Variants in PHTF2 observed in about 807,000 individuals in gnomAD.
PHTF2 encodes protein PHTF2.
In PHTF2, 60 loss-of-function variants were observed where a neutral mutation model predicts 101.2. The observed-to-expected ratio is 0.59, with a 90% CI of 0.48 to 0.73. PHTF2 has a LOEUF of 0.73. PHTF2 is among the 30% of genes least tolerant of loss of function. PHTF2 has a pLI of 0.00. For missense variants in PHTF2, 747 were observed against 908.7 expected (o/e 0.82, Z 2.29); for synonymous variants, 311 against 307.3 (o/e 1.01, Z -0.13).
intron 11 of PHTF2, among the ~76,000 whole-genome samples, chr7:77,925,797 C>T (rs1803940347): frequency 6.6e-6 from 1 of 152,054 alleles, no homozygotes; most frequent in Non-Finnish European, 1.5e-5. Flanking sequence ...GGTGCTCATG[C>T]TTGTAATCGC....
chr7:77,901,730 T>TA, intron 6 of PHTF2, 32 bp from the exon 6 acceptor site: 1 of 1,283,072 alleles, frequency 7.8e-7, no homozygotes, highest in Non-Finnish European at 1.0e-6. Flanking sequence ...AATATATAAA[T>TA]ATACTCTGTT....
At chr7:77,861,451 A>G (rs150146040) in intron 3 of PHTF2, among the ~76,000 whole-genome samples, 392 of 151,558 alleles carry the variant, frequency 2.6e-3, no homozygotes, top group African/African-American at 9.1e-3. Flanking sequence ...TTTACTTTTG[A>G]CTCTTTCCTT....
At chr7:77,957,381 G>A (rs1242665259) in exon 20 of PHTF2, 1 of 152,108 alleles carries the variant, frequency 6.6e-6, no homozygotes, top group Admixed American at 6.5e-5. Flanking sequence ...GAACATGAAA[G>A]AATAATACAC....
At chr7:77,843,705 TA>T (rs1796060585) in intron 2 of PHTF2, among the ~76,000 whole-genome samples, 1 of 152,238 alleles carries the variant, frequency 6.6e-6, no homozygotes, top group Non-Finnish European at 1.5e-5. Context: ...CTACATTGAC[TA>T]GCTAATGGTT....
chr7:77,956,434 TTTTC>T (rs1157182778), exon 20 of PHTF2: 2 of 152,582 alleles, frequency 1.3e-5, no homozygotes, highest in South Asian at 2.1e-4. Flanking sequence ...GTAGTATGTT[TTTTC>T]TTTCTATGAA....
intron 3 of PHTF2, among the ~76,000 whole-genome samples, chr7:77,867,638 C>T (rs532869473): frequency 6.6e-6 from 1 of 152,284 alleles, no homozygotes; most frequent in South Asian, 2.1e-4. Flanking sequence ...ACTTCAGTAA[C>T]TGTGGTTGGA....
chr7:77,934,052 C>T (rs966174234), intron 12 of PHTF2, among the ~76,000 whole-genome samples: 1 of 152,128 alleles, frequency 6.6e-6, no homozygotes, highest in Non-Finnish European at 1.5e-5. Context: ...AAAATAAGCT[C>T]ATGCTTTTAG....
At chr7:77,854,521 G>A (rs571253249) in intron 2 of PHTF2, among the ~76,000 whole-genome samples, 28 of 152,146 alleles carry the variant, frequency 1.8e-4, no homozygotes, top group African/African-American at 5.8e-4. Flanking sequence ...CTAGGCTTGC[G>A]TCCTTCCCTC....
chr7:77,876,734 T>A (rs962275847), intron 3 of PHTF2, among the ~76,000 whole-genome samples: 2 of 151,852 alleles, frequency 1.3e-5, no homozygotes, highest in Admixed American at 6.6e-5. Context: ...CTCTACAAAA[T>A]AAATAAAATA....
intron 13 of PHTF2, among the ~76,000 whole-genome samples, chr7:77,938,641 G>T (rs952970011): frequency 3.3e-5 from 5 of 152,268 alleles, no homozygotes; most frequent in East Asian, 1.9e-4. Flanking sequence ...GCCGGGCGTG[G>T]TGGCGGGCGC....
chr7:77,825,080 G>A (rs1210706852), intron 1 of PHTF2, among the ~76,000 whole-genome samples: 1 of 151,554 alleles, frequency 6.6e-6, no homozygotes, highest in African/African-American at 2.4e-5. Flanking sequence ...AGATTTCTGA[G>A]TAAAAATGAA....
At chr7:77,920,035 T>A (rs577704864) in intron 9 of PHTF2, among the ~76,000 whole-genome samples, 1 of 152,328 alleles carries the variant, frequency 6.6e-6, no homozygotes, top group South Asian at 2.1e-4. Flanking sequence ...TTTTGATAAG[T>A]TAGGGCATGT....
intron 3 of PHTF2, among the ~76,000 whole-genome samples, chr7:77,877,162 C>T (rs1172479738): frequency 6.7e-6 from 1 of 148,854 alleles, no homozygotes; most frequent in Non-Finnish European, 1.5e-5. Flanking sequence ...GTCACCCAGG[C>T]TGGAGTGCAG....
intron 3 of PHTF2, among the ~76,000 whole-genome samples, chr7:77,859,729 C>G (rs1260412011): frequency 6.6e-6 from 1 of 151,980 alleles, no homozygotes; most frequent in Non-Finnish European, 1.5e-5. Flanking sequence ...ACTAACACAC[C>G]TGGCTAATTT....
At chr7:77,946,592 A>T (rs1334802021) in intron 16 of PHTF2, among the ~76,000 whole-genome samples, 2 of 152,212 alleles carry the variant, frequency 1.3e-5, no homozygotes, top group African/African-American at 4.8e-5. Flanking sequence ...TTAAAAATTA[A>T]TTTTGTTTCT....
chr7:77,888,323 C>T (rs547948914), intron 3 of PHTF2, among the ~76,000 whole-genome samples: 1 of 152,258 alleles, frequency 6.6e-6, no homozygotes, highest in African/African-American at 2.4e-5. Flanking sequence ...ACCATGTTGG[C>T]CAGGCTGGTC....
chr7:77,939,548 C>G (rs75239823), intron 13 of PHTF2, among the ~76,000 whole-genome samples: 16,025 of 148,768 alleles, frequency 0.11, 1,271 homozygotes, highest in African/African-American at 0.21. Flanking sequence ...CATTATTGTG[C>G]CACTGTACTC....
At chr7:77,817,336 C>T (rs753069915) in intron 1 of PHTF2, among the ~76,000 whole-genome samples, 8 of 152,052 alleles carry the variant, frequency 5.3e-5, no homozygotes, top group African/African-American at 1.2e-4. Context: ...TTCGTTCTCA[C>T]GCTGCTAATA....
intron 1 of PHTF2, among the ~76,000 whole-genome samples, chr7:77,836,884 G>A (rs79658712): frequency 1.3e-5 from 2 of 150,978 alleles, no homozygotes; most frequent in Admixed American, 6.6e-5. Flanking sequence ...GTTGATGGGT[G>A]CAGCAAACCA....
Sources: gnomAD v4.1 joint callset for allele counts (sites outside exome capture counted in the v4.1 genomes callset) on GRCh38, gnomAD v4.1.1 for gene constraint, MANE v1.5 for transcripts, NCBI Gene and HGNC (gene_info 2026-07-23, HGNC 2026-07-21) for gene names.